The following MOB3B variants were observed in gnomAD, a reference collection of about 807,000 sequenced individuals.
The protein encoded by MOB3B is MOB kinase activator 3B.
In MOB3B, 7 loss-of-function variants were observed where a neutral mutation model predicts 18.7. That is an observed-to-expected ratio of 0.37 (90% CI 0.21 to 0.70). The LOEUF is 0.70. Among genes scored for constraint, MOB3B ranks in the 30% least tolerant of loss-of-function variants. MOB3B has a pLI of 0.52. For synonymous variants in MOB3B, 111 were observed against 99.9 expected, an observed-to-expected ratio of 1.11 and a Z score of -0.66; for missense variants, 253 against 281.3, an observed-to-expected ratio of 0.90 and a Z score of 0.72.
At chr9:27,440,196 A>G (rs1822571679) in intron 2 of MOB3B, among the ~76,000 whole-genome samples, 1 of 152,200 alleles carries the variant, frequency 6.6e-6, no homozygotes, top group Non-Finnish European at 1.5e-5. Flanking sequence ...GGCAATACAT[A>G]TCTGCCCATC....
At chr9:27,417,063 C>T (rs1822161185) in intron 2 of MOB3B, among the ~76,000 whole-genome samples, 1 of 152,142 alleles carries the variant, frequency 6.6e-6, no homozygotes, top group African/African-American at 2.4e-5. Flanking sequence ...GGATGTATTA[C>T]TTTTAAAACT....
At chr9:27,428,025 C>A (rs1822363366) in intron 2 of MOB3B, among the ~76,000 whole-genome samples, 1 of 152,168 alleles carries the variant, frequency 6.6e-6, no homozygotes, top group Admixed American at 6.5e-5. Context: ...CCAGTTTGTT[C>A]CAGTTTAGTA....
Position 27,467,342 on chromosome 9 carries a change from G to T in MOB3B, c.-198-11594C>A, listed in dbSNP as rs116262349. Reference sequence around the variant, plus strand: ...GGTGCTAATACCAATATCACAGTGGGTTTTGGGGATAAGTGAGATAATATA... The same window carrying T: ...GGTGCTAATACCAATATCACAGTGGTTTTTGGGGATAAGTGAGATAATATA... On this transcript the variant is annotated intron_variant, in intron 1 of 3. Coordinates refer to ENST00000262244, the MANE Select transcript of MOB3B (RefSeq NM_024761.5). Among the ~76,000 whole-genome samples, 1,064 of 152,278 alleles carry T rather than the reference G, an allele frequency of 7.0e-3. 15 individuals are homozygous for T. The highest frequency in any genetic ancestry group is 0.023 in the African/African-American group (976 of 41,542).
At chr9:27,344,756 C>T (rs1821006478) in intron 3 of MOB3B, among the ~76,000 whole-genome samples, 1 of 152,308 alleles carries the variant, frequency 6.6e-6, no homozygotes, top group Non-Finnish European at 1.5e-5. Context: ...TGTGTATTTG[C>T]CAATGCTCTC....
At chr9:27,460,090 C>T (rs1467517916) in intron 1 of MOB3B, among the ~76,000 whole-genome samples, 2 of 152,116 alleles carry the variant, frequency 1.3e-5, no homozygotes, top group Non-Finnish European at 2.9e-5. Context: ...AAAATGTGGT[C>T]CCTGTCTATG....
intron 1 of MOB3B, among the ~76,000 whole-genome samples, chr9:27,477,225 T>C (rs2131472871): frequency 6.6e-6 from 1 of 152,332 alleles, no homozygotes; most frequent in Admixed American, 6.5e-5. Flanking sequence ...GGAGTTGCCT[T>C]AATAAATCTC....
intron 1 of MOB3B, among the ~76,000 whole-genome samples, chr9:27,480,898 C>T (rs1274163957): frequency 4.6e-5 from 7 of 151,984 alleles, no homozygotes; most frequent in Non-Finnish European, 1.0e-4. Context: ...TAAATCAATA[C>T]AAGCACTGAC....
intron 1 of MOB3B, among the ~76,000 whole-genome samples, chr9:27,484,572 A>G (rs1450027260): frequency 6.6e-6 from 1 of 152,188 alleles, no homozygotes; most frequent in Non-Finnish European, 1.5e-5. Flanking sequence ...TTAGCCTTCA[A>G]CCTTCGAGTC....
intron 1 of MOB3B, among the ~76,000 whole-genome samples, chr9:27,460,631 A>T (rs1241522410): frequency 6.6e-6 from 1 of 152,164 alleles, no homozygotes; most frequent in Non-Finnish European, 1.5e-5. Flanking sequence ...TTAGGAAAGG[A>T]GAGGGACTGA....
intron 2 of MOB3B, among the ~76,000 whole-genome samples, chr9:27,382,987 T>C (rs1821600698): frequency 6.6e-6 from 1 of 152,124 alleles, no homozygotes; most frequent in African/African-American, 2.4e-5. Context: ...GGAGAATAAA[T>C]TGATTAGTAA....
chr9:27,514,820 T>C (rs959067055), intron 1 of MOB3B, among the ~76,000 whole-genome samples: 1 of 152,242 alleles, frequency 6.6e-6, no homozygotes, highest in Non-Finnish European at 1.5e-5. Flanking sequence ...GCATGCCTGT[T>C]GGCAAGGAGA....
intron 1 of MOB3B, among the ~76,000 whole-genome samples, chr9:27,476,246 T>C (rs1016629968): frequency 1.3e-5 from 2 of 152,230 alleles, no homozygotes; most frequent in African/African-American, 4.8e-5. Context: ...AGAATAGAAA[T>C]GTACTGTCTC....
At chr9:27,431,805 A>G (rs2131423165) in intron 2 of MOB3B, among the ~76,000 whole-genome samples, 1 of 152,340 alleles carries the variant, frequency 6.6e-6, no homozygotes, top group East Asian at 1.9e-4. Context: ...AGCAGACTTA[A>G]GTAAATTTAT....
At chr9:27,449,049 A>G (rs1822742244) in intron 2 of MOB3B, among the ~76,000 whole-genome samples, 1 of 152,216 alleles carries the variant, frequency 6.6e-6, no homozygotes, top group African/African-American at 2.4e-5. Context: ...CAGGTTTAGT[A>G]TTCAGTCTTC....
rs1284720993 is a variant in MOB3B, at chr9:27,328,696, C to T, written c.*1891G>A. ...CTACAGAGTTCCTCCAGGGCATGGG[C>T]TCCGTAGTTACCTCTCTGTGCCACT... On this transcript the variant is annotated 3_prime_UTR_variant, in exon 4 of 4. Transcript: ENST00000262244. 6.6e-6 allele frequency: 1 copy of T among 152,236 alleles called. No homozygotes were observed. Among genetic ancestry groups the T allele is most frequent in the Non-Finnish European group, 1.5e-5 (1 of 68,042 alleles). The allele number at this position is 152,236 out of a possible 1,614,324, so 9.4% of individuals were successfully genotyped here. A position where few individuals can be genotyped will look rare whatever the true frequency, so the allele number is the denominator to read the frequency against.
intron 1 of MOB3B, chr9:27,525,061 T>C (rs1199962405): frequency 9.9e-6 from 10 of 1,013,500 alleles, no homozygotes; most frequent in Non-Finnish European, 1.4e-5. Context: ...CCTGTAAGCC[T>C]GTCCTCAGTT....
rs1211977026 is a variant in MOB3B, at chr9:27,325,257, A to G, written c.*5330T>C. On this transcript the variant is annotated 3_prime_UTR_variant, in exon 4 of 4. Coordinates refer to ENST00000262244, the MANE Select transcript of MOB3B (RefSeq NM_024761.5). Reference sequence around the variant, plus strand: ...GTGACATTTGAATACCCAAGCTCACATATAACTGATTTCCTAAATATCATT... The same window carrying G: ...GTGACATTTGAATACCCAAGCTCACGTATAACTGATTTCCTAAATATCATT... 1 of 152,210 alleles carries G rather than the reference A, an allele frequency of 6.6e-6. No individual in the cohort carries two copies. The highest frequency in any genetic ancestry group is 1.5e-5 in the Non-Finnish European group (1 of 68,044). 9.4% of individuals were successfully genotyped at this position (152,210 alleles called of 1,614,324 possible).
intron 2 of MOB3B, among the ~76,000 whole-genome samples, chr9:27,390,137 G>C (rs1343831957): frequency 1.3e-5 from 2 of 152,070 alleles, no homozygotes; most frequent in Non-Finnish European, 2.9e-5. Flanking sequence ...GAGTGCAGTG[G>C]TGTGATCTTG....
At chr9:27,357,595 G>T (rs1039361278) in intron 3 of MOB3B, among the ~76,000 whole-genome samples, 7 of 151,992 alleles carry the variant, frequency 4.6e-5, no homozygotes, top group African/African-American at 1.7e-4. Flanking sequence ...CATGGTGAAG[G>T]TTCTTGCTCA....
Sources: gnomAD v4.1 joint callset for allele counts (sites outside exome capture counted in the v4.1 genomes callset) on GRCh38, gnomAD v4.1.1 for gene constraint, MANE v1.5 for transcripts, NCBI Gene and HGNC (gene_info 2026-07-23, HGNC 2026-07-21) for gene names.